Variants in LAMA3 observed in about 807,000 individuals in gnomAD.
The protein encoded by LAMA3 is laminin subunit alpha 3.
LAMA3 carries 281 observed loss-of-function variants against 402.0 expected under a neutral mutation model. The ratio of observed to expected loss-of-function variants is 0.70; its 90% CI spans 0.63 to 0.77. The LOEUF (loss-of-function observed/expected upper bound fraction) is 0.77, where lower values mean the gene tolerates loss of function less well. Ranked by LOEUF, LAMA3 falls within the 30% of genes least tolerant of loss-of-function variation. LAMA3 has a pLI of 0.00. For missense variants in LAMA3, 3,840 were observed against 4,215.5 expected, an observed-to-expected ratio of 0.91 and a Z score of 2.47; for synonymous variants, 1,431 against 1,558.4, an observed-to-expected ratio of 0.92 and a Z score of 1.93.
chr18:23,914,482 G>A lies in LAMA3; in HGVS notation c.7402G>A (p.Glu2468Lys), dbSNP rs756248984. 15 of 1,614,050 alleles carry A rather than the reference G, an allele frequency of 9.3e-6. No homozygotes were observed. Among genetic ancestry groups the A allele is most frequent in the Non-Finnish European group, 1.1e-5 (13 of 1,180,018 alleles). The change falls in exon 57 of 75, where the codon GAG becomes AAG. Residue 2468 changes from glutamate (E) to lysine (K), a missense_variant. Coordinates refer to ENST00000313654, the MANE Select transcript of LAMA3 (RefSeq NM_198129.4). ...CTGTGTCTACAACCTGGGGGACCGT[G>A]AGGCTGAACTCCAAGTGGACCAGAT... ...LTCVYNLGDR[E>K]AELQVDQILT...
chr18:23,810,438 C>T lies in LAMA3; in HGVS notation c.1676C>T (p.Pro559Leu), dbSNP rs374183663. 3.1e-6 allele frequency: 5 copies of T among 1,614,028 alleles called. No homozygotes were observed. The African/African-American group carries it at 5.3e-5, about 17-fold the overall frequency. The change falls in exon 13 of 75, where the codon CCA (proline) becomes CTA (leucine). Residue 559 changes from proline (P) to leucine (L), a missense_variant. This residue lies in a region of LAMA3 where 2,109 missense variants were observed against 2,376.0 expected (regional missense o/e 0.89). Coordinates refer to ENST00000313654, the MANE Select transcript of LAMA3 (RefSeq NM_198129.4). ...SSVTGQCECRPGVTGQRCDRC... is the reference protein window; with the variant it reads ...SSVTGQCECRLGVTGQRCDRC... ...GTGACTGGACAGTGTGAATGTCGGCCAGGAGTTACAGGACAGCGGTGTGAC... is the reference window on the plus strand; with the variant it reads ...GTGACTGGACAGTGTGAATGTCGGCTAGGAGTTACAGGACAGCGGTGTGAC...
At chr18:23,884,072 G>A (rs2064992668) in intron 40 of LAMA3, among the ~76,000 whole-genome samples, 2 of 149,672 alleles carry the variant, frequency 1.3e-5, no homozygotes. Flanking sequence ...GTGTGTGTGT[G>A]TGTGTGTGTG....
intron 12 of LAMA3, among the ~76,000 whole-genome samples, chr18:23,797,500 G>A (rs2062787228): frequency 6.6e-6 from 1 of 152,152 alleles, no homozygotes; most frequent in Admixed American, 6.5e-5. Flanking sequence ...CACCACCTGA[G>A]GTCAGGAGTT....
Position 23,928,157 on chromosome 18 carries a change from A to C in LAMA3, c.8212A>C (p.Met2738Leu). ...NISTPAFRGC[M>L]KNLKKTSGVV... ...TTCTACGCCTGCTTTCCGAGGCTGC[A>C]TGAAAAATTTGAAGAAAACCAGTGG... Residue 2738 changes from methionine to leucine, a missense_variant, in exon 63 of 75, where the codon ATG becomes CTG. By Grantham distance (15) the Met-to-Leu change is conservative. Transcript: ENST00000313654. The C allele has an allele frequency of 6.2e-7, 1 of 1,614,064 alleles. No individual in the cohort carries two copies.
At chr18:23,763,037 A>G (rs2062003068) in intron 7 of LAMA3, among the ~76,000 whole-genome samples, 1 of 152,002 alleles carries the variant, frequency 6.6e-6, no homozygotes, top group Non-Finnish European at 1.5e-5. Flanking sequence ...TTGTATTTTT[A>G]GTAGAGACAG....
At chr18:23,833,750 T>C in intron 23 of LAMA3, 78 bp from the exon 24 acceptor site, 5 of 1,533,516 alleles carry the variant, frequency 3.3e-6, no homozygotes, top group Non-Finnish European at 3.6e-6. Context: ...TGGGCTCTAT[T>C]TTCACCATTG....
intron 39 of LAMA3, among the ~76,000 whole-genome samples, chr18:23,877,827 G>A (rs750702506): frequency 6.6e-6 from 1 of 152,064 alleles, no homozygotes; most frequent in Non-Finnish European, 1.5e-5. Flanking sequence ...GAATAAATAC[G>A]TTGGCCGGGC....
chr18:23,861,635 C>CAG lies in LAMA3; in HGVS notation c.4423-11_4423-10insAG. 1.2e-6 allele frequency: 2 copies of CAG among 1,614,170 alleles called. No homozygotes were observed. The highest frequency in any genetic ancestry group is 1.7e-6 in the Non-Finnish European group (2 of 1,180,024). ...GACGTTTCCATCCCTTGCTTCTCTC[C>CAG]CTCTTTCCAGTTTGTGGATATGCTG... is the stretch of plus-strand genomic sequence containing the variant. On this transcript the variant is annotated splice_polypyrimidine_tract_variant and intron_variant, in intron 34 of 74. Coordinates refer to ENST00000313654, the MANE Select transcript of LAMA3 (RefSeq NM_198129.4).
chr18:23,840,068 G>A lies in LAMA3; in HGVS notation c.3336+139G>A. The A allele has an allele frequency of 4.3e-6, 4 of 919,616 alleles. No homozygotes were observed. The South Asian group carries it at 5.6e-5, about 13-fold the overall frequency. The allele number at this position is 919,616 out of a possible 1,614,324, so 57.0% of individuals were successfully genotyped here. A position where few individuals can be genotyped will look rare whatever the true frequency, so the allele number is the denominator to read the frequency against. ...ACTGAGTTGGAAGCTCTGGGGGTGG[G>A]CCCAGGAATCTGTGTTTTAACAAAC... On this transcript the variant is annotated intron_variant, in intron 27 of 74. Coordinates refer to ENST00000313654, the MANE Select transcript of LAMA3 (RefSeq NM_198129.4).
rs758470194 is a variant in LAMA3 at position 23,943,987 on chromosome 18, G to T, written c.9210+16G>T. On this transcript the variant is annotated intron_variant, in intron 69 of 74. Transcript: ENST00000313654. Reference sequence around the variant, plus strand: ...ATGGCACACGGTAAGAGCTGGGGCTGTGTCAGTATCTCCAGTTGGTGTGGA... The same window carrying T: ...ATGGCACACGGTAAGAGCTGGGGCTTTGTCAGTATCTCCAGTTGGTGTGGA... 1 of 1,611,678 alleles carries T rather than the reference G, an allele frequency of 6.2e-7. No homozygotes were observed. Among genetic ancestry groups the T allele is most frequent in the Admixed American group, 1.7e-5 (1 of 59,790 alleles).
chr18:23,718,860 G>A (rs753118190), intron 2 of LAMA3, among the ~76,000 whole-genome samples: 1 of 152,226 alleles, frequency 6.6e-6, no homozygotes, highest in Non-Finnish European at 1.5e-5. Flanking sequence ...TAAAAGCTGT[G>A]TCTAGAGCAG....
At chr18:23,928,321 A>T in intron 63 of LAMA3, 81 bp downstream of exon 63, 1 of 899,010 alleles carries the variant, frequency 1.1e-6, no homozygotes, top group Non-Finnish European at 1.8e-6. Flanking sequence ...GCAACTTTTG[A>T]CTTCTTTCTG....
intron 60 of LAMA3, 84 bp downstream of exon 60, chr18:23,916,779 C>T (rs2081640619): frequency 1.5e-6 from 2 of 1,310,450 alleles, no homozygotes; most frequent in Admixed American, 3.4e-5. Context: ...TTATAAATGA[C>T]CCACTAGATC....
chr18:23,877,076 G>A (rs1306205206), intron 39 of LAMA3, among the ~76,000 whole-genome samples: 1 of 152,122 alleles, frequency 6.6e-6, no homozygotes, highest in Non-Finnish European at 1.5e-5. Context: ...ACAGAAATCA[G>A]TCCAACACAA....
At chr18:23,712,495 AG>A (rs1370099701) in intron 1 of LAMA3, among the ~76,000 whole-genome samples, 1 of 151,146 alleles carries the variant, frequency 6.6e-6, no homozygotes, top group Non-Finnish European at 1.5e-5. Context: ...TTGAGTTTCT[AG>A]GGGGTGCAAG....
chr18:23,712,631 T>C (rs145675650), intron 1 of LAMA3, among the ~76,000 whole-genome samples: 93 of 110,046 alleles, frequency 8.5e-4, no homozygotes, highest in African/African-American at 3.2e-3. Context: ...TTTTGTATAA[T>C]GTCGAAAGAT....
At chr18:23,768,331 C>T (rs2062123009) in intron 8 of LAMA3, among the ~76,000 whole-genome samples, 1 of 152,122 alleles carries the variant, frequency 6.6e-6, no homozygotes, top group South Asian at 2.1e-4. Flanking sequence ...GGGCAAAAGA[C>T]ATGAACAGAC....
At chr18:23,813,923 C>T (rs1405754912) in intron 14 of LAMA3, among the ~76,000 whole-genome samples, 1 of 152,156 alleles carries the variant, frequency 6.6e-6, no homozygotes, top group African/African-American at 2.4e-5. Flanking sequence ...CTTCCAGGCA[C>T]AGAATGGATG....
At chr18:23,763,554 G>A in intron 8 of LAMA3, 31 bp downstream of exon 8, 1 of 1,262,114 alleles carries the variant, frequency 7.9e-7, no homozygotes, top group Non-Finnish European at 1.2e-6. Context: ...AAGTGGATGT[G>A]TTGTCATGGG....
Sources: gnomAD v4.1 joint callset for allele counts (sites outside exome capture counted in the v4.1 genomes callset) on GRCh38, gnomAD v4.1.1 for gene constraint, gnomAD v4.1.1 regional missense constraint, MANE v1.5 for transcripts, NCBI Gene and HGNC (gene_info 2026-07-23, HGNC 2026-07-21) for gene names.